MVB12B: variants seen among roughly 807,000 people sequenced by gnomAD.
The protein encoded by MVB12B is multivesicular body subunit 12B.
In MVB12B, 16 loss-of-function variants were observed where a neutral mutation model predicts 41.6. The observed-to-expected ratio is 0.38, with a 90% CI of 0.26 to 0.58. The LOEUF (loss-of-function observed/expected upper bound fraction) is 0.58, where lower values mean the gene tolerates loss of function less well. Ranked by LOEUF, MVB12B falls within the 20% of genes least tolerant of loss-of-function variation. The pLI, the probability that MVB12B is intolerant of heterozygous loss-of-function variation, is 0.62. For missense variants in MVB12B, 274 were observed against 380.2 expected (o/e 0.72, Z 2.32); for synonymous variants, 133 against 139.7 (o/e 0.95, Z 0.34).
chr9:126,345,457 G>A (rs993992861), intron 2 of MVB12B, among the ~76,000 whole-genome samples: 15 of 152,262 alleles, frequency 9.9e-5, no homozygotes, highest in Non-Finnish European at 1.8e-4. Context: ...ATTCCCAGGC[G>A]TTAGTGGGCC....
At chr9:126,396,805 G>T (rs889714393) in intron 6 of MVB12B, 21 of 985,362 alleles carry the variant, frequency 2.1e-5, no homozygotes, top group Non-Finnish European at 2.4e-5. Context: ...GTAGTTTTCA[G>T]TTTCATTTGG....
At chr9:126,329,370 G>A (rs377456503) in intron 1 of MVB12B, among the ~76,000 whole-genome samples, 17 of 152,334 alleles carry the variant, frequency 1.1e-4, no homozygotes, top group South Asian at 4.1e-4. Flanking sequence ...TTAAGTGTGC[G>A]ATTCAGCATC....
intron 9 of MVB12B, among the ~76,000 whole-genome samples, chr9:126,495,001 G>A (rs1588212910): frequency 6.6e-6 from 1 of 151,960 alleles, no homozygotes; most frequent in Non-Finnish European, 1.5e-5. Context: ...AGATCAGTCT[G>A]GACAACATGG....
At chr9:126,397,571 C>G (rs1831151935) in intron 6 of MVB12B, 12 of 985,196 alleles carry the variant, frequency 1.2e-5, no homozygotes, top group African/African-American at 1.7e-5. Context: ...GTTAAGTCAG[C>G]CAATATGCAA....
chr9:126,353,207 G>T (rs936132858), intron 2 of MVB12B, among the ~76,000 whole-genome samples: 2 of 152,220 alleles, frequency 1.3e-5, no homozygotes, highest in African/African-American at 4.8e-5. Context: ...CAGGGAATCT[G>T]TCAGCTCACT....
Position 126,335,763 on chromosome 9 carries a change from G to A in MVB12B, c.82-4745G>A, listed in dbSNP as rs151306718. Among the ~76,000 whole-genome samples, 56 of 152,322 alleles carry A rather than the reference G, an allele frequency of 3.7e-4. 1 individual carries two copies. The East Asian group carries it at 6.6e-3, about 18-fold the overall frequency. Reference sequence around the variant, plus strand: ...CTTCCTTCCTCAGCCCTGTAAGCTGGTATATGTGAGCAGGCAGTTTTTTGT... The same window carrying A: ...CTTCCTTCCTCAGCCCTGTAAGCTGATATATGTGAGCAGGCAGTTTTTTGT... On this transcript the variant is annotated intron_variant, in intron 1 of 9. Coordinates refer to ENST00000361171, the MANE Select transcript of MVB12B (RefSeq NM_033446.3).
rs1179370231 is a variant in MVB12B at position 126,392,340 on chromosome 9, C to G, written c.539+145C>G. 5.3e-6 allele frequency: 5 copies of G among 951,946 alleles called. No homozygotes were observed. Among genetic ancestry groups the G allele is most frequent in the Non-Finnish European group, 7.9e-6 (5 of 635,012 alleles). 59.0% of individuals were successfully genotyped at this position (951,946 alleles called of 1,614,324 possible). A position where few individuals can be genotyped will look rare whatever the true frequency, so the allele number is the denominator to read the frequency against. On this transcript the variant is annotated intron_variant, in intron 5 of 9. Coordinates refer to ENST00000361171, the MANE Select transcript of MVB12B (RefSeq NM_033446.3). This position sits in a 1 kb window ranked among gnomAD's most constrained non-coding sequence, Gnocchi z 4.8. ...TGTCAGCCCAGTGCTCCTCGCTGCC[C>G]TTCCTGCTCAGCTGCGGTCTCTCTG...
chr9:126,400,647 A>G lies in MVB12B; in HGVS notation c.662+4950A>G, dbSNP rs61644561. Among the ~76,000 whole-genome samples the G allele has an allele frequency of 3.4e-3, 520 of 152,276 alleles. 3 individuals carry two copies. Among genetic ancestry groups the G allele is most frequent in the African/African-American group, 0.012 (505 of 41,560 alleles). On this transcript the variant is annotated intron_variant, in intron 6 of 9. Coordinates refer to ENST00000361171, the MANE Select transcript of MVB12B (RefSeq NM_033446.3). ...ACAGAGCAGTGGGCCTTGGTTTCAG[A>G]GGTCCTCAAGCCGTCGTCGATGCTG...
At chr9:126,382,386 C>G (rs187996835) in intron 3 of MVB12B, among the ~76,000 whole-genome samples, 6 of 152,284 alleles carry the variant, frequency 3.9e-5, no homozygotes, top group Admixed American at 3.9e-4. Flanking sequence ...ATTTTTTCCC[C>G]TAATTACAAG....
chr9:126,403,107 A>G (rs1831313805), intron 6 of MVB12B, among the ~76,000 whole-genome samples: 1 of 152,146 alleles, frequency 6.6e-6, no homozygotes, highest in African/African-American at 2.4e-5. Flanking sequence ...TGTAACCTTA[A>G]AGTCTGTGGT....
chr9:126,376,636 C>A lies in MVB12B; in HGVS notation c.205-4428C>A. On this transcript the variant is annotated intron_variant, in intron 2 of 9. Transcript: ENST00000361171. The surrounding 1 kb of genome is among the most constrained non-coding windows in gnomAD (Gnocchi z 4.1). ...CTGGAAGCAAGAAGGAGGGTAAGCG[C>A]GGGTGGCAGGGAGGGGCCTGCCATT... The A allele has an allele frequency of 7.8e-7, 1 of 1,288,580 alleles. No homozygotes were observed. Among genetic ancestry groups the A allele is most frequent in the South Asian group, 1.2e-5 (1 of 80,922 alleles). The allele number at this position is 1,288,580 out of a possible 1,614,324, so 79.8% of individuals were successfully genotyped here. A position where few individuals can be genotyped will look rare whatever the true frequency, so the allele number is the denominator to read the frequency against.
chr9:126,502,921 G>A (rs1479707326), intron 9 of MVB12B, among the ~76,000 whole-genome samples: 1 of 152,192 alleles, frequency 6.6e-6, no homozygotes, highest in African/African-American at 2.4e-5. Flanking sequence ...GAGCAGGCAG[G>A]CACTGTGGAG....
At chr9:126,369,091 G>A (rs987070170) in intron 2 of MVB12B, among the ~76,000 whole-genome samples, 1 of 152,134 alleles carries the variant, frequency 6.6e-6, no homozygotes, top group African/African-American at 2.4e-5. Context: ...GTTTTTCACT[G>A]AACAAAGCTT....
chr9:126,446,938 C>CTT (rs33991689), intron 7 of MVB12B, among the ~76,000 whole-genome samples: 3 of 104,320 alleles, frequency 2.9e-5, no homozygotes, highest in Admixed American at 1.2e-4. Context: ...TTTTAACTTT[C>CTT]TTTTTTTTTT....
intron 6 of MVB12B, among the ~76,000 whole-genome samples, chr9:126,405,090 A>C (rs1831381969): frequency 6.6e-6 from 1 of 152,232 alleles, no homozygotes; most frequent in Non-Finnish European, 1.5e-5. Flanking sequence ...ACGATTCGTC[A>C]GTTCAGCTCC....
At chr9:126,345,971 A>G (rs944349946) in intron 2 of MVB12B, among the ~76,000 whole-genome samples, 5 of 152,220 alleles carry the variant, frequency 3.3e-5, no homozygotes, top group Non-Finnish European at 7.3e-5. Context: ...AAGGCACTGG[A>G]AATCCAGTAT....
chr9:126,340,350 G>T lies in MVB12B; in HGVS notation c.82-158G>T, dbSNP rs1392148889. On this transcript the variant is annotated intron_variant, in intron 1 of 9. Transcript: ENST00000361171. This position sits in a 1 kb window ranked among gnomAD's most constrained non-coding sequence, Gnocchi z 4.0. ...CAGAGGTGATTTGAATTCTTGACCT[G>T]GGGAAAGGGTCACATAGGGTCAGGA... Among the ~76,000 whole-genome samples the T allele has an allele frequency of 6.6e-6, 1 of 152,192 alleles. No individual in the cohort carries two copies. The highest frequency in any genetic ancestry group is 2.4e-5 in the African/African-American group (1 of 41,448).
chr9:126,478,511 G>A lies in MVB12B; in HGVS notation c.758-2858G>A, dbSNP rs1833463695. ...TGGCCAGACCCCAGGGAGGACCTCG[G>A]GGAAGGCATGCTGCAGGAGAGGCAC... On this transcript the variant is annotated intron_variant, in intron 7 of 9. Transcript: ENST00000361171. The surrounding 1 kb of genome is among the most constrained non-coding windows in gnomAD (Gnocchi z 4.2). Among the ~76,000 whole-genome samples the A allele has an allele frequency of 1.3e-5, 2 of 152,184 alleles. No individual in the cohort carries two copies. The highest frequency in any genetic ancestry group is 4.1e-4 in the South Asian group (2 of 4,828).
At chr9:126,425,087 C>T (rs144705820) in intron 7 of MVB12B, among the ~76,000 whole-genome samples, 2 of 152,264 alleles carry the variant, frequency 1.3e-5, no homozygotes, top group Non-Finnish European at 2.9e-5. Flanking sequence ...GGTAACAAGT[C>T]AGAATATGCA....
Sources: allele counts gnomAD v4.1 joint callset (sites outside exome capture counted in the v4.1 genomes callset), GRCh38; gene constraint gnomAD v4.1.1; non-coding constraint Gnocchi (gnomAD v3.1); transcripts MANE v1.5; gene names NCBI Gene and HGNC (gene_info 2026-07-23, HGNC 2026-07-21).